The following AKAP13 variants were observed in gnomAD, a reference collection of about 807,000 sequenced individuals.
The protein encoded by AKAP13 is A-kinase anchoring protein 13.
Under a neutral mutation model 264.5 loss-of-function variants are expected in AKAP13, and 80 were observed. The observed-to-expected ratio is 0.30, with a 90% CI of 0.25 to 0.36. The LOEUF (loss-of-function observed/expected upper bound fraction) is 0.36, where lower values mean the gene tolerates loss of function less well. AKAP13 is among the 10% of genes least tolerant of loss of function. The probability of loss-of-function intolerance (pLI) is 1.00; values close to 1 mark genes in which losing one functional copy is unlikely to be tolerated. For missense variants in AKAP13, 3,712 were observed against 3,435.2 expected, an observed-to-expected ratio of 1.08 and a Z score of -2.01; for synonymous variants, 1,380 against 1,250.2, an observed-to-expected ratio of 1.10 and a Z score of -2.19.
At chr15:85,582,857 G>A in intron 7 of AKAP13, 1 of 985,502 alleles carries the variant, frequency 1.0e-6, no homozygotes, top group Non-Finnish European at 1.2e-6. Context: ...CTGTCACAGG[G>A]CAGACCTTGT....
chr15:85,492,693 A>G (rs1359187076), intron 2 of AKAP13, among the ~76,000 whole-genome samples: 6 of 152,228 alleles, frequency 3.9e-5, no homozygotes, highest in African/African-American at 9.6e-5. Flanking sequence ...AATTTTCCCA[A>G]TAATGTCCAT....
At chr15:85,488,458 A>C (rs2075631320) in intron 2 of AKAP13, among the ~76,000 whole-genome samples, 1 of 152,232 alleles carries the variant, frequency 6.6e-6, no homozygotes, top group African/African-American at 2.4e-5. Flanking sequence ...TAGTTGTGTT[A>C]TACAGAAGGA....
chr15:85,544,089 G>A (rs1355083660), intron 5 of AKAP13, 134 bp downstream of exon 5: 1 of 1,068,520 alleles, frequency 9.4e-7, no homozygotes, highest in East Asian at 2.5e-5. Flanking sequence ...CTTGCCTTCT[G>A]CTGGAGGTTT....
At chr15:85,611,241 C>T (rs1272618043) in intron 8 of AKAP13, among the ~76,000 whole-genome samples, 1 of 152,176 alleles carries the variant, frequency 6.6e-6, no homozygotes, top group Non-Finnish European at 1.5e-5. Flanking sequence ...TCTGAATGCC[C>T]AACCTCAGCC....
chr15:85,618,524 TC>T (rs1406270897), intron 8 of AKAP13, among the ~76,000 whole-genome samples: 2 of 152,100 alleles, frequency 1.3e-5, no homozygotes, highest in Non-Finnish European at 2.9e-5. Context: ...CAGTTCCTCA[TC>T]CTTTTCCCTC....
At chr15:85,611,212 C>G (rs2080605123) in intron 8 of AKAP13, among the ~76,000 whole-genome samples, 1 of 152,216 alleles carries the variant, frequency 6.6e-6, no homozygotes, top group South Asian at 2.1e-4. Flanking sequence ...GATGCCACTT[C>G]TGTGTGTTAA....
Position 85,718,167 on chromosome 15 carries a change from T to G in AKAP13, c.6001+8T>G, listed in dbSNP as rs754069259. 2.5e-6 allele frequency: 4 copies of G among 1,613,142 alleles called. No homozygotes were observed. In the Admixed American group the frequency reaches 6.7e-5, roughly 27 times the overall value. On this transcript the variant is annotated splice_region_variant and intron_variant, in intron 22 of 36. Coordinates refer to ENST00000394518, the MANE Select transcript of AKAP13 (RefSeq NM_007200.5). The surrounding 1 kb of genome is among the most constrained non-coding windows in gnomAD (Gnocchi z 4.9). The stretch of plus-strand genomic sequence containing the variant: ...GGCAAGAAGTAATATATGGTGAGAG[T>G]CTTCATTTTGCTCTGATTATATTTG...
At chr15:85,696,600 G>T (rs150437085) in intron 17 of AKAP13, among the ~76,000 whole-genome samples, 18 of 152,324 alleles carry the variant, frequency 1.2e-4, no homozygotes, top group African/African-American at 3.8e-4. Context: ...AAAACGGGAA[G>T]AGGCTGTATT....
chr15:85,524,700 C>G (rs1200193567), intron 3 of AKAP13, among the ~76,000 whole-genome samples: 7 of 152,278 alleles, frequency 4.6e-5, no homozygotes, highest in Admixed American at 1.3e-4. Flanking sequence ...CACAGACATT[C>G]TAAATTATCT....
intron 19 of AKAP13, among the ~76,000 whole-genome samples, chr15:85,713,211 C>A (rs528480990): frequency 1.3e-5 from 2 of 152,262 alleles, no homozygotes; most frequent in East Asian, 3.9e-4. Context: ...TTTCTTCCCC[C>A]CTATGCTGGC....
chr15:85,487,686 C>A (rs2075599148), intron 2 of AKAP13, among the ~76,000 whole-genome samples: 1 of 151,704 alleles, frequency 6.6e-6, no homozygotes, highest in African/African-American at 2.4e-5. Flanking sequence ...CCACCTCAAC[C>A]TCCTGAGTAG....
intron 17 of AKAP13, among the ~76,000 whole-genome samples, chr15:85,700,764 TTTCC>T (rs539274435): frequency 9.5e-4 from 144 of 152,320 alleles, no homozygotes; most frequent in African/African-American, 3.3e-3. Flanking sequence ...CATTTGTATT[TTTCC>T]TTCCATCTCT....
intron 2 of AKAP13, among the ~76,000 whole-genome samples, chr15:85,504,633 A>G (rs550149369): frequency 1.4e-5 from 2 of 147,994 alleles, no homozygotes; most frequent in East Asian, 4.1e-4. Context: ...TCGAAGCTGC[A>G]GTGAGCCATG....
intron 8 of AKAP13, among the ~76,000 whole-genome samples, chr15:85,621,019 A>G (rs772379377): frequency 6.6e-6 from 1 of 152,262 alleles, no homozygotes; most frequent in Non-Finnish European, 1.5e-5. Context: ...GATGACAGAA[A>G]GAACCTCAGT....
intron 8 of AKAP13, among the ~76,000 whole-genome samples, chr15:85,613,886 T>C (rs778330538): frequency 2.0e-5 from 3 of 151,580 alleles, no homozygotes; most frequent in African/African-American, 4.9e-5. Flanking sequence ...AAGGCTAAAA[T>C]GATAACTTTA....
chr15:85,618,058 C>T (rs567053506), intron 8 of AKAP13, among the ~76,000 whole-genome samples: 3 of 152,268 alleles, frequency 2.0e-5, no homozygotes, highest in South Asian at 2.1e-4. Context: ...CTTCATTCCT[C>T]GGATGAACCA....
At chr15:85,626,234 A>G (rs1019497665) in intron 8 of AKAP13, among the ~76,000 whole-genome samples, 3 of 152,178 alleles carry the variant, frequency 2.0e-5, no homozygotes, top group Admixed American at 6.5e-5. Flanking sequence ...CTGCTCATTC[A>G]TTTCTTAATT....
chr15:85,539,412 T>C (rs1234601044), intron 4 of AKAP13, among the ~76,000 whole-genome samples: 5 of 152,290 alleles, frequency 3.3e-5, no homozygotes, highest in Admixed American at 3.3e-4. Context: ...TGTGGGACTT[T>C]AGGTTTTTTA....
intron 19 of AKAP13, among the ~76,000 whole-genome samples, chr15:85,711,518 A>G (rs2086633649): frequency 6.6e-6 from 1 of 152,020 alleles, no homozygotes; most frequent in African/African-American, 2.4e-5. Context: ...TATTTTTTTC[A>G]CTCAATATTG....
Sources: allele counts gnomAD v4.1 joint callset (sites outside exome capture counted in the v4.1 genomes callset), GRCh38; gene constraint gnomAD v4.1.1; non-coding constraint Gnocchi (gnomAD v3.1); transcripts MANE v1.5; gene names NCBI Gene and HGNC (gene_info 2026-07-23, HGNC 2026-07-21).